The following MYO1E variants were observed in gnomAD, a reference collection of about 807,000 sequenced individuals.
MYO1E encodes the protein myosin IE, also known as unconventional myosin-Ie.
Under a neutral mutation model 151.1 loss-of-function variants are expected in MYO1E, and 68 were observed. That is an observed-to-expected ratio of 0.45 (90% CI 0.37 to 0.55). MYO1E has a LOEUF of 0.55. MYO1E is among the 20% of genes least tolerant of loss of function. The probability of loss-of-function intolerance (pLI) is 0.00; values close to 1 mark genes in which losing one functional copy is unlikely to be tolerated. For missense variants in MYO1E, 1,363 were observed against 1,389.3 expected (o/e 0.98, Z 0.30); for synonymous variants, 601 against 501.7 (o/e 1.20, Z -2.64).
At chr15:59,162,460 A>G (rs1436193212) in intron 23 of MYO1E, among the ~76,000 whole-genome samples, 2 of 152,114 alleles carry the variant, frequency 1.3e-5, no homozygotes. Context: ...CCTGGCCAAC[A>G]TGGTGAAACC....
intron 4 of MYO1E, among the ~76,000 whole-genome samples, chr15:59,242,607 A>G (rs2080106633): frequency 6.6e-6 from 1 of 152,244 alleles, no homozygotes; most frequent in Non-Finnish European, 1.5e-5. Flanking sequence ...ACCATTTGGC[A>G]GCCATCATAC....
At chr15:59,176,004 G>C (rs905474421) in intron 19 of MYO1E, among the ~76,000 whole-genome samples, 12 of 152,152 alleles carry the variant, frequency 7.9e-5, no homozygotes, top group Non-Finnish European at 1.5e-4. Flanking sequence ...AAAAGACATG[G>C]ATACATTTAA....
Position 59,356,117 on chromosome 15 carries a change from G to C in MYO1E, c.3+16381C>G, listed in dbSNP as rs1457551063. On this transcript the variant is annotated intron_variant, in intron 1 of 27. Coordinates refer to ENST00000288235, the MANE Select transcript of MYO1E (RefSeq NM_004998.4). ...GAGAACTACCTTTTGTTAAACAGTTGCACGGGGAAGGCGTTTGCCCCATTT... is the reference window on the plus strand; with the variant it reads ...GAGAACTACCTTTTGTTAAACAGTTCCACGGGGAAGGCGTTTGCCCCATTT... Among the ~76,000 whole-genome samples, 3 of 152,312 alleles carry C rather than the reference G, an allele frequency of 2.0e-5. No homozygotes were observed. The East Asian group carries it at 5.8e-4, about 29-fold the overall frequency.
In MYO1E at chr15:59,208,805, G is replaced by A. The variant is rs1173043275; in HGVS notation, c.1406C>T (p.Thr469Met). The change falls in exon 14 of 28, where the codon ACG becomes ATG. Residue 469 changes from threonine to methionine, a missense_variant. Physicochemically the swap from Thr to Met is moderately conservative, Grantham distance 81. Coordinates refer to ENST00000288235, the MANE Select transcript of MYO1E (RefSeq NM_004998.4). ...TGCCCCCTCACCCACCGCATGCATCGTGGCGCACACGTCATCCAGGATGCT... is the reference window on the plus strand; with the variant it reads ...TGCCCCCTCACCCACCGCATGCATCATGGCGCACACGTCATCCAGGATGCT... ...IMSILDDVCA[T>M]MHAVGEGADQ... The A allele has an allele frequency of 3.1e-6, 5 of 1,614,058 alleles. No individual in the cohort carries two copies. Among genetic ancestry groups the A allele is most frequent in the African/African-American group, 2.7e-5 (2 of 74,924 alleles).
At chr15:59,221,022 A>T (rs1206929048) in intron 9 of MYO1E, among the ~76,000 whole-genome samples, 1 of 146,094 alleles carries the variant, frequency 6.8e-6, no homozygotes, top group Non-Finnish European at 1.5e-5. Flanking sequence ...ATATATATAA[A>T]ATTTATATAT....
intron 1 of MYO1E, among the ~76,000 whole-genome samples, chr15:59,313,049 T>C (rs1157083376): frequency 1.3e-5 from 2 of 152,030 alleles, no homozygotes; most frequent in Admixed American, 6.6e-5. Flanking sequence ...GGCATGGGGG[T>C]GGGGCCCAGC....
intron 5 of MYO1E, among the ~76,000 whole-genome samples, chr15:59,235,098 T>A (rs2080054500): frequency 6.6e-6 from 1 of 151,880 alleles, no homozygotes; most frequent in African/African-American, 2.4e-5. Context: ...CTCTTGAGTA[T>A]CCTCATTCTC....
At chr15:59,369,008 G>A (rs2080930149) in intron 1 of MYO1E, among the ~76,000 whole-genome samples, 1 of 152,118 alleles carries the variant, frequency 6.6e-6, no homozygotes. Context: ...CTTTTTTTGT[G>A]CTTGATCCCA....
chr15:59,345,575 T>C (rs1226472658), intron 1 of MYO1E, among the ~76,000 whole-genome samples: 1 of 152,222 alleles, frequency 6.6e-6, no homozygotes, highest in East Asian at 1.9e-4. Flanking sequence ...ACTTTGGCTT[T>C]TCATCTGCTG....
At chr15:59,256,517 A>G in intron 3 of MYO1E, 139 bp from the exon 4 acceptor site, 1 of 434,004 alleles carries the variant, frequency 2.3e-6, no homozygotes, top group Non-Finnish European at 4.0e-6. Flanking sequence ...TCCAATGCCT[A>G]TCATTACATC....
chr15:59,348,510 T>A, intron 1 of MYO1E: 1 of 152,230 alleles, frequency 6.6e-6, no homozygotes, highest in Admixed American at 6.5e-5. Flanking sequence ...TGTGTCTGAA[T>A]CCTTTTGGTC....
intron 12 of MYO1E, 58 bp downstream of exon 12, chr15:59,214,170 C>T: frequency 2.9e-6 from 4 of 1,378,200 alleles, no homozygotes; most frequent in Non-Finnish European, 3.0e-6. Flanking sequence ...GAAATCTATA[C>T]CCTCTTAAAC....
chr15:59,363,232 C>T (rs1354236462), intron 1 of MYO1E, among the ~76,000 whole-genome samples: 1 of 152,220 alleles, frequency 6.6e-6, no homozygotes, highest in Non-Finnish European at 1.5e-5. Context: ...CCGCCTCGGC[C>T]TCCCAAGGTG....
chr15:59,328,885 G>T (rs559762954), intron 1 of MYO1E, among the ~76,000 whole-genome samples: 1 of 152,258 alleles, frequency 6.6e-6, no homozygotes, highest in Non-Finnish European at 1.5e-5. Flanking sequence ...AGACTCTGTG[G>T]GAGGGCATTA....
chr15:59,251,710 T>C (rs6494087), intron 4 of MYO1E, among the ~76,000 whole-genome samples: 38,881 of 152,138 alleles, frequency 0.26, 5,314 homozygotes, highest in African/African-American at 0.35. Flanking sequence ...AGTGCTCATG[T>C]TTTGCAGTAC....
chr15:59,365,133 C>A (rs190208127), intron 1 of MYO1E, among the ~76,000 whole-genome samples: 99 of 151,720 alleles, frequency 6.5e-4, no homozygotes, highest in African/African-American at 2.2e-3. Context: ...AGTTCTCCTG[C>A]CTCAGCCTCC....
At chr15:59,229,557 A>G (rs2080013118) in intron 6 of MYO1E, among the ~76,000 whole-genome samples, 1 of 152,258 alleles carries the variant, frequency 6.6e-6, no homozygotes, top group Non-Finnish European at 1.5e-5. Flanking sequence ...TTTGATAATG[A>G]AATGAAAAGA....
chr15:59,217,518 C>CATTTTT (rs1334637019), intron 10 of MYO1E, among the ~76,000 whole-genome samples: 1 of 10,708 alleles, frequency 9.3e-5, no homozygotes, highest in Non-Finnish European at 2.1e-4. Context: ...AGTCGTTTTA[C>CATTTTT]CTTTTTTTTT....
At position 59,372,799 on chromosome 15, in the gene MYO1E, A is replaced by G; in HGVS notation, c.-299T>C. 4.0e-6 allele frequency: 2 copies of G among 502,604 alleles called. No individual in the cohort carries two copies. The highest frequency in any genetic ancestry group is 7.0e-6 in the Non-Finnish European group (2 of 285,044). The allele number at this position is 502,604 out of a possible 1,614,324, so 31.1% of individuals were successfully genotyped here. On this transcript the variant is annotated 5_prime_UTR_variant, in exon 1 of 28. Coordinates refer to ENST00000288235, the MANE Select transcript of MYO1E (RefSeq NM_004998.4). The stretch of plus-strand genomic sequence containing the variant: ...GCCCAGGTGAGTCCGATGCGCTCGG[A>G]GCGTCCGCCTCGCTCCCCTGCCTCA...
Sources: gnomAD v4.1 joint callset for allele counts (sites outside exome capture counted in the v4.1 genomes callset) on GRCh38, gnomAD v4.1.1 for gene constraint, MANE v1.5 for transcripts, NCBI Gene and HGNC (gene_info 2026-07-23, HGNC 2026-07-21) for gene names.